Variants in RPL31 observed in about 807,000 individuals in gnomAD.
RPL31 encodes large ribosomal subunit protein eL31.
For synonymous variants in RPL31, 51 were observed against 55.0 expected (o/e 0.93, Z 0.32); for missense variants, 95 against 164.0 (o/e 0.58, Z 2.30).
chr2:101,005,765 C>T, intron 3 of RPL31, 194 bp from the exon 4 acceptor site: 1 of 584,026 alleles, frequency 1.7e-6, no homozygotes, highest in Admixed American at 3.5e-5. Flanking sequence ...AACAAGCATC[C>T]CTCCTGTGGT....
downstream of RPL31, among the ~76,000 whole-genome samples, chr2:101,009,036 A>G (rs1056617560): frequency 6.6e-6 from 1 of 152,128 alleles, no homozygotes; most frequent in African/African-American, 2.4e-5. Context: ...AATTGAGAAT[A>G]CGTAATGTGA....
At chr2:101,009,822 T>A (rs7355291), downstream of RPL31, among the ~76,000 whole-genome samples, 49,609 of 106,970 alleles carry the variant, frequency 0.46, 9,016 homozygotes, top group Middle Eastern at 0.6. Flanking sequence ...AAAAAGGAGC[T>A]TTTTCTTTTT....
chr2:101,004,165 A>G lies in RPL31; in HGVS notation c.115A>G (p.Lys39Glu). 1 of 1,613,736 alleles carries G rather than the reference A, an allele frequency of 6.2e-7. No individual in the cohort carries two copies. Among genetic ancestry groups the G allele is most frequent in the East Asian group, 2.2e-5 (1 of 44,886 alleles). ...CTTATGTTTGAATCGTAGGGGCTTC[A>G]AGAAGCGTGCACCTCGGGCACTCAA... Reference protein sequence around the residue: ...IHKRIHGVGFKKRAPRALKEI... With the variant: ...IHKRIHGVGFEKRAPRALKEI... The change falls in exon 3 of 5, where the codon AAG becomes GAG. Residue 39 changes from lysine (K) to glutamate (E), a missense_variant. By Grantham distance (56) the Lys-to-Glu change is moderately conservative (BLOSUM62 1). Transcript: ENST00000264258.
downstream of RPL31, chr2:101,010,848 C>T: frequency 1.6e-6 from 2 of 1,245,560 alleles, no homozygotes; most frequent in South Asian, 1.2e-5. Context: ...CGCCACTGTA[C>T]TCCAGCCTGG....
chr2:101,017,270 TA>T (rs1222365102), intron 4 of RPL31, among the ~76,000 whole-genome samples: 1 of 152,136 alleles, frequency 6.6e-6, no homozygotes, highest in African/African-American at 2.4e-5. Flanking sequence ...TTTTACAGTT[TA>T]TTTTTTTTAA....
downstream of RPL31, among the ~76,000 whole-genome samples, chr2:101,009,510 T>G (rs1679026577): frequency 6.6e-6 from 1 of 151,796 alleles, no homozygotes; most frequent in Non-Finnish European, 1.5e-5. Flanking sequence ...AGTATGAACA[T>G]GGCCCGTTTT....
downstream of RPL31, among the ~76,000 whole-genome samples, chr2:101,009,984 G>C (rs974663174): frequency 6.6e-6 from 1 of 151,636 alleles, no homozygotes; most frequent in Non-Finnish European, 1.5e-5. Flanking sequence ...ACCACGTCCA[G>C]CTAATTTTTT....
Position 101,012,637 on chromosome 2 carries a change from A to C in RPL31, c.347-6361A>C, listed in dbSNP as rs982850932. Among the ~76,000 whole-genome samples, 9 of 150,396 alleles carry C rather than the reference A, an allele frequency of 6.0e-5. 1 individual carries two copies. The highest frequency in any genetic ancestry group is 1.3e-4 in the Admixed American group (2 of 15,018). ...AACTCTGAATATACAAAAAAAAAAA[A>C]ACCCATTGAATTGTACGCTTTAAAC... On this transcript the variant is annotated intron_variant, in intron 4 of 4. Transcript: ENST00000409028.
chr2:101,007,754 C>T, downstream of RPL31: 1 of 1,512,644 alleles, frequency 6.6e-7, no homozygotes, highest in Non-Finnish European at 9.0e-7. Flanking sequence ...TAGGGCTGAC[C>T]CCAAGAAACA....
chr2:101,015,645 A>G (rs1679572876), intron 4 of RPL31, among the ~76,000 whole-genome samples: 1 of 152,240 alleles, frequency 6.6e-6, no homozygotes, highest in African/African-American at 2.4e-5. Context: ...ACAAAGCCAG[A>G]GGCATCACGC....
chr2:101,017,174 T>G (rs1376851952), intron 4 of RPL31, among the ~76,000 whole-genome samples: 1 of 152,086 alleles, frequency 6.6e-6, no homozygotes, highest in East Asian at 1.9e-4. Flanking sequence ...TTGTCCCAAC[T>G]GAAGGTCTTC....
rs929838955 is a variant in RPL31 at position 101,002,323 on chromosome 2, TG to T, written c.-1+11del. On this transcript the variant is annotated intron_variant, in intron 1 of 4. Transcript: ENST00000264258. ...CAACTTGGACGCTGCAGAGTGAGTA[TG>T]GGTGGCGGAGTCTGGGCTCCTGGAA... 3.0e-5 allele frequency: 6 copies of T among 201,294 alleles called. No individual in the cohort carries two copies. Among genetic ancestry groups the T allele is most frequent in the African/African-American group, 1.4e-4 (6 of 42,990 alleles). The allele number at this position is 201,294 out of a possible 1,614,324, so 12.5% of individuals were successfully genotyped here.
At chr2:101,017,154 C>T (rs964942236) in intron 4 of RPL31, among the ~76,000 whole-genome samples, 16 of 152,002 alleles carry the variant, frequency 1.1e-4, no homozygotes, top group Non-Finnish European at 1.9e-4. Context: ...GTGTCTTCCA[C>T]GTCCACATCT....
intron 4 of RPL31, among the ~76,000 whole-genome samples, chr2:101,016,329 A>T (rs1400328136): frequency 6.6e-6 from 1 of 151,772 alleles, no homozygotes; most frequent in African/African-American, 2.4e-5. Flanking sequence ...AAAAATGCTC[A>T]TCATCACTGG....
At chr2:101,015,089 C>G (rs1679518887) in intron 4 of RPL31, among the ~76,000 whole-genome samples, 1 of 152,330 alleles carries the variant, frequency 6.6e-6, no homozygotes, top group Non-Finnish European at 1.5e-5. Context: ...CTGTAGCCTA[C>G]TACACACCTC....
At chr2:101,017,922 A>C in intron 4 of RPL31, 1 of 1,550,860 alleles carries the variant, frequency 6.4e-7, no homozygotes, top group Non-Finnish European at 8.7e-7. Flanking sequence ...GAACAAGAAG[A>C]GGAAAGCAAA....
chr2:101,014,327 G>A (rs1056342174), intron 4 of RPL31, among the ~76,000 whole-genome samples: 6 of 151,936 alleles, frequency 3.9e-5, no homozygotes, highest in African/African-American at 1.2e-4. Context: ...GCCCATCATC[G>A]AATCAAACAT....
chr2:101,010,132 T>G (rs529438155), downstream of RPL31, among the ~76,000 whole-genome samples: 2 of 152,268 alleles, frequency 1.3e-5, no homozygotes, highest in East Asian at 3.9e-4. Flanking sequence ...CATTTTTAAC[T>G]TTAAGCCTAC....
intron 4 of RPL31, chr2:101,018,091 G>C: frequency 1.5e-6 from 1 of 650,084 alleles, no homozygotes; most frequent in Non-Finnish European, 2.6e-6. Context: ...ACTAGATTTT[G>C]AATCCAATCA....
Sources: allele counts gnomAD v4.1 joint callset (sites outside exome capture counted in the v4.1 genomes callset), GRCh38; gene constraint gnomAD v4.1.1; transcripts MANE v1.5; gene names NCBI Gene and HGNC (gene_info 2026-07-23, HGNC 2026-07-21).